XRCC6: variants seen among roughly 807,000 people sequenced by gnomAD.
The protein encoded by XRCC6 is X-ray repair cross complementing 6, also known as DNA repair protein Ku70.
XRCC6 carries 5 observed loss-of-function variants against 65.7 expected under a neutral mutation model. The observed-to-expected ratio is 0.08, with a 90% CI of 0.04 to 0.16. The LOEUF is 0.16. XRCC6 is among the 10% of genes least tolerant of loss of function. The probability of loss-of-function intolerance (pLI) is 1.00; values close to 1 mark genes in which losing one functional copy is unlikely to be tolerated. For missense variants in XRCC6, 447 were observed against 738.1 expected (o/e 0.61, Z 4.57); for synonymous variants, 270 against 270.6 (o/e 1.00, Z 0.02).
At chr22:41,632,157 G>A (rs149446442) in intron 3 of XRCC6, among the ~76,000 whole-genome samples, 2,055 of 151,472 alleles carry the variant, frequency 0.014, 49 homozygotes, top group African/African-American at 0.048. Flanking sequence ...GAGGGAGACC[G>A]TGGGGAGAGG....
Position 41,650,731 on chromosome 22 carries a change from G to A in XRCC6, c.969G>A (p.Gly323=), listed in dbSNP as rs777033001. Residue 323 remains glycine, a synonymous_variant, in exon 8 of 13, where the codon GGG becomes GGA. Coordinates refer to ENST00000360079, the MANE Select transcript of XRCC6 (RefSeq NM_001469.5). ...TCGTTCTTCTCCTTCAGATCTATGG[G>A]AGTCGTCAGATTATACTGGAGAAAG... ...PSDTKRSQIY[G]SRQIILEKEE... 11 of 1,613,156 alleles carry A rather than the reference G, an allele frequency of 6.8e-6. No homozygotes were observed. Among genetic ancestry groups the A allele is most frequent in the East Asian group, 2.2e-5 (1 of 44,872 alleles).
At chr22:41,631,362 C>T (rs941517969) in intron 3 of XRCC6, among the ~76,000 whole-genome samples, 1 of 151,172 alleles carries the variant, frequency 6.6e-6, no homozygotes, top group Non-Finnish European at 1.5e-5. Flanking sequence ...GGGCTCCTCA[C>T]TTCTCAGACG....
intron 7 of XRCC6, among the ~76,000 whole-genome samples, chr22:41,647,597 A>AAG (rs398037229): frequency 6.7e-6 from 1 of 149,078 alleles, no homozygotes. Context: ...AAAAAAAAAA[A>AAG]GAGACGGTGT....
At chr22:41,632,349 G>A (rs1363360457) in intron 3 of XRCC6, among the ~76,000 whole-genome samples, 5 of 151,710 alleles carry the variant, frequency 3.3e-5, no homozygotes, top group African/African-American at 7.3e-5. Context: ...GGTGGCTCAC[G>A]CCTGTAATCC....
chr22:41,650,061 C>CT (rs2147104550), intron 7 of XRCC6, among the ~76,000 whole-genome samples: 1 of 151,760 alleles, frequency 6.6e-6, no homozygotes, highest in African/African-American at 2.4e-5. Context: ...TTTAAGCATG[C>CT]TTTGTGTGTC....
At chr22:41,632,862 C>G (rs1388846607) in intron 3 of XRCC6, among the ~76,000 whole-genome samples, 13 of 150,750 alleles carry the variant, frequency 8.6e-5, no homozygotes, top group Admixed American at 8.6e-4. Context: ...GGCGCGGTGG[C>G]TCATGCCTGT....
chr22:41,645,823 G>A (rs1394736870), intron 6 of XRCC6, among the ~76,000 whole-genome samples: 1 of 151,568 alleles, frequency 6.6e-6, no homozygotes, highest in Non-Finnish European at 1.5e-5. Context: ...AGCCTCCCGA[G>A]TAGCTGGGAT....
At chr22:41,639,622 C>T (rs1299052275) in intron 6 of XRCC6, among the ~76,000 whole-genome samples, 1 of 149,330 alleles carries the variant, frequency 6.7e-6, no homozygotes, top group African/African-American at 2.5e-5. Flanking sequence ...GCTGGGATTA[C>T]AGGCGTGAGC....
In XRCC6 at chr22:41,636,110, C is replaced by G; in HGVS notation, c.196-3C>G. The stretch of plus-strand genomic sequence containing the variant: ...TAAATATTAATTGAATTTTTTTTTT[C>G]AGTGTATCCAAAGTGTGTACATCAG... On this transcript the variant is annotated splice_polypyrimidine_tract_variant and splice_region_variant and intron_variant, in intron 3 of 12. Transcript: ENST00000360079. 6.5e-7 allele frequency: 1 copy of G among 1,550,366 alleles called. No homozygotes were observed. Among genetic ancestry groups the G allele is most frequent in the Non-Finnish European group, 8.6e-7 (1 of 1,157,594 alleles).
At chr22:41,657,946 C>G (rs2068060688) in intron 10 of XRCC6, among the ~76,000 whole-genome samples, 1 of 152,108 alleles carries the variant, frequency 6.6e-6, no homozygotes, top group South Asian at 2.1e-4. Flanking sequence ...GCCTATGCCT[C>G]CTGAGTAGCT....
In XRCC6 at chr22:41,651,449, T is replaced by A. The variant is rs2067995744; in HGVS notation, c.1129+558T>A. Among the ~76,000 whole-genome samples the A allele has an allele frequency of 3.2e-5, 4 of 123,272 alleles. No individual in the cohort carries two copies. In the South Asian group the frequency reaches 1.2e-3, roughly 37 times the overall value. The allele number at this position is 123,272 out of a possible 152,430, so 80.9% of individuals were successfully genotyped here. On this transcript the variant is annotated intron_variant, in intron 8 of 12. Coordinates refer to ENST00000360079, the MANE Select transcript of XRCC6 (RefSeq NM_001469.5). ...TCTTGTCACCCAGGCTGGAGTGCAG[T>A]GGTGCAGTTTCAGCTCACTGCAACA... is the stretch of plus-strand genomic sequence containing the variant.
chr22:41,658,354 T>C lies in XRCC6; in HGVS notation c.1522+2T>C. On this transcript the variant is annotated splice_donor_variant, in intron 11 of 12. Transcript: ENST00000360079. LOFTEE classifies it high-confidence loss of function. ...CGGAACAAGCAGTGGACCTGACATG[T>C]AAGGAGGTTGAATAGAGTAGTTCTT... 1 of 1,613,974 alleles carries C rather than the reference T, an allele frequency of 6.2e-7. No homozygotes were observed. Among genetic ancestry groups the C allele is most frequent in the Non-Finnish European group, 8.5e-7 (1 of 1,179,890 alleles).
chr22:41,632,178 G>A (rs2067762813), intron 3 of XRCC6, among the ~76,000 whole-genome samples: 1 of 152,050 alleles, frequency 6.6e-6, no homozygotes, highest in African/African-American at 2.4e-5. Flanking sequence ...GATAGGGAGA[G>A]GGAGAGGGAG....
intron 6 of XRCC6, among the ~76,000 whole-genome samples, chr22:41,643,334 G>C (rs977327129): frequency 2.7e-5 from 4 of 150,702 alleles, no homozygotes; most frequent in African/African-American, 9.8e-5. Flanking sequence ...ACTTGAACCC[G>C]GTTGGCGGAG....
chr22:41,629,075 C>T (rs2067711741), intron 3 of XRCC6, among the ~76,000 whole-genome samples: 1 of 149,102 alleles, frequency 6.7e-6, no homozygotes, highest in South Asian at 2.1e-4. Flanking sequence ...CAAATGAAAA[C>T]CATAATGAGC....
chr22:41,629,348 A>G (rs923412735), intron 3 of XRCC6, among the ~76,000 whole-genome samples: 2 of 152,240 alleles, frequency 1.3e-5, no homozygotes, highest in Non-Finnish European at 2.9e-5. Context: ...ACAGTGGCAT[A>G]TAGATATACA....
At chr22:41,640,353 G>C (rs552300502) in intron 6 of XRCC6, among the ~76,000 whole-genome samples, 1 of 152,088 alleles carries the variant, frequency 6.6e-6, no homozygotes, top group Admixed American at 6.5e-5. Context: ...GTTTCACCGT[G>C]TTAGCTAGGA....
At chr22:41,629,444 C>A (rs923546015) in intron 3 of XRCC6, among the ~76,000 whole-genome samples, 1 of 152,106 alleles carries the variant, frequency 6.6e-6, no homozygotes, top group Non-Finnish European at 1.5e-5. Flanking sequence ...AAGCCAGATA[C>A]AAAAAGTCAA....
At chr22:41,640,227 CA>C (rs2067861207) in intron 6 of XRCC6, among the ~76,000 whole-genome samples, 1 of 152,054 alleles carries the variant, frequency 6.6e-6, no homozygotes, top group South Asian at 2.1e-4. Flanking sequence ...CAGCTCACTA[CA>C]AGCTCCGCCT....
Sources: gnomAD v4.1 joint callset for allele counts (sites outside exome capture counted in the v4.1 genomes callset) on GRCh38, gnomAD v4.1.1 for gene constraint, MANE v1.5 for transcripts, NCBI Gene and HGNC (gene_info 2026-07-23, HGNC 2026-07-21) for gene names.